The following NRG1 variants were observed in gnomAD, a reference collection of about 807,000 sequenced individuals.
NRG1 encodes the protein neuregulin 1.
In NRG1, 18 loss-of-function variants were observed where a neutral mutation model predicts 63.8. That is an observed-to-expected ratio of 0.28 (90% CI 0.19 to 0.42). The LOEUF is 0.42. Among genes scored for constraint, NRG1 ranks in the 10% least tolerant of loss-of-function variants. The probability of loss-of-function intolerance (pLI) is 1.00; values close to 1 mark genes in which losing one functional copy is unlikely to be tolerated. For missense variants in NRG1, 762 were observed against 814.7 expected, an observed-to-expected ratio of 0.94 and a Z score of 0.79; for synonymous variants, 302 against 301.3, an observed-to-expected ratio of 1.00 and a Z score of -0.02.
chr8:32,559,494 T>C (rs1223923553), intron 1 of NRG1, among the ~76,000 whole-genome samples: 2 of 152,172 alleles, frequency 1.3e-5, no homozygotes, highest in Non-Finnish European at 1.5e-5. Context: ...TGATTGTATG[T>C]GATATACATA....
intron 1 of NRG1, among the ~76,000 whole-genome samples, chr8:32,261,684 T>C (rs1850396239): frequency 6.6e-6 from 1 of 152,092 alleles, no homozygotes; most frequent in Admixed American, 6.6e-5. Flanking sequence ...CACTCCCCCC[T>C]TGTATTGGAC....
intron 1 of NRG1, among the ~76,000 whole-genome samples, chr8:31,801,256 A>G (rs1035351195): frequency 7.2e-5 from 11 of 152,218 alleles, no homozygotes; most frequent in African/African-American, 2.6e-4. Flanking sequence ...TGGAAAAATT[A>G]TTTTAGAAAA....
chr8:32,264,434 G>C (rs537501585), intron 1 of NRG1, among the ~76,000 whole-genome samples: 3 of 152,234 alleles, frequency 2.0e-5, no homozygotes, highest in Non-Finnish European at 2.9e-5. Context: ...AGTCTAGAGG[G>C]AGGCCTAAAT....
chr8:32,398,996 C>A (rs1410229463), intron 1 of NRG1, among the ~76,000 whole-genome samples: 1 of 151,928 alleles, frequency 6.6e-6, no homozygotes, highest in Non-Finnish European at 1.5e-5. Context: ...TTAAAATAAC[C>A]TCATTTATTT....
chr8:32,476,065 A>G (rs1824479718), intron 1 of NRG1, among the ~76,000 whole-genome samples: 1 of 152,216 alleles, frequency 6.6e-6, no homozygotes, highest in Non-Finnish European at 1.5e-5. Flanking sequence ...AGAAAGTATT[A>G]CATATCTGCA....
chr8:31,773,575 C>T (rs1818836133), intron 1 of NRG1, among the ~76,000 whole-genome samples: 1 of 152,230 alleles, frequency 6.6e-6, no homozygotes, highest in African/African-American at 2.4e-5. Context: ...GTGCTCCACA[C>T]AACAGCCAGA....
rs1585621778 is a variant in NRG1 at position 32,143,381 on chromosome 8, T to C, written c.38-452447T>C. Among the ~76,000 whole-genome samples the C allele has an allele frequency of 2.0e-5, 3 of 152,302 alleles. No individual in the cohort carries two copies. In the South Asian group the frequency reaches 6.2e-4, roughly 32 times the overall value. On this transcript the variant is annotated intron_variant, in intron 1 of 10. Transcript: ENST00000519301. ...CTGGATGATTCTATACATAAATATC[T>C]TGCACTAACAGCAAGAATAATAAAA...
intron 5 of NRG1, among the ~76,000 whole-genome samples, chr8:32,691,815 C>T (rs543923187): frequency 5.3e-5 from 8 of 152,204 alleles, no homozygotes; most frequent in East Asian, 3.9e-4. Context: ...TACTGAAATA[C>T]GTTAGCAGGA....
At chr8:32,486,095 G>A (rs1587920857) in intron 1 of NRG1, among the ~76,000 whole-genome samples, 2 of 151,832 alleles carry the variant, frequency 1.3e-5, no homozygotes, top group South Asian at 4.2e-4. Context: ...CCCATGCCTG[G>A]CTAATTTTTT....
At chr8:31,951,369 C>A (rs993334767) in intron 1 of NRG1, among the ~76,000 whole-genome samples, 10 of 152,136 alleles carry the variant, frequency 6.6e-5, no homozygotes, top group Non-Finnish European at 1.0e-4. Flanking sequence ...GGAGGCAGAG[C>A]CCTGCTCCAG....
chr8:32,388,302 T>C (rs1811281965), intron 1 of NRG1, among the ~76,000 whole-genome samples: 1 of 152,240 alleles, frequency 6.6e-6, no homozygotes, highest in Non-Finnish European at 1.5e-5. Flanking sequence ...GACAAAGATC[T>C]GATCTAGTAA....
At chr8:32,766,403 C>T (rs1283194669) in exon 12 of NRG1, 1 of 152,194 alleles carries the variant, frequency 6.6e-6, no homozygotes, top group Admixed American at 6.5e-5. Context: ...TTTTCCAATT[C>T]TGCAGTAATG....
intron 1 of NRG1, among the ~76,000 whole-genome samples, chr8:32,446,933 A>G (rs1177773538): frequency 6.6e-6 from 1 of 152,170 alleles, no homozygotes; most frequent in Non-Finnish European, 1.5e-5. Flanking sequence ...AGCCATGGGG[A>G]AAAATATGGT....
chr8:31,749,335 T>C (rs928252827), intron 1 of NRG1, among the ~76,000 whole-genome samples: 1 of 151,866 alleles, frequency 6.6e-6, no homozygotes, highest in African/African-American at 2.4e-5. Context: ...AAAACCTTCA[T>C]TCACAATAAA....
chr8:32,648,758 T>G (rs1377580189), intron 5 of NRG1, among the ~76,000 whole-genome samples: 3 of 152,178 alleles, frequency 2.0e-5, no homozygotes, highest in Non-Finnish European at 4.4e-5. Flanking sequence ...CATATACCAG[T>G]GAGTATTATT....
intron 1 of NRG1, among the ~76,000 whole-genome samples, chr8:31,899,232 G>A (rs574035611): frequency 1.6e-4 from 25 of 151,820 alleles, no homozygotes; most frequent in Non-Finnish European, 3.7e-4. Context: ...GCCTCCCAAA[G>A]TGCTGGGACT....
In NRG1 at chr8:32,301,710, A is replaced by G. The variant is rs186135750; in HGVS notation, c.38-294118A>G. ...AGAGAGCTTGTGCAGAGAAACCTCC[A>G]TTTTGAAAACCATCAGATCTCGTGA... On this transcript the variant is annotated intron_variant, in intron 1 of 10. Transcript: ENST00000519301. Among the ~76,000 whole-genome samples, 688 of 152,312 alleles carry G rather than the reference A, an allele frequency of 4.5e-3. 2 individuals are homozygous for G. Among genetic ancestry groups the G allele is most frequent in the Non-Finnish European group, 6.4e-3 (433 of 68,032 alleles).
chr8:32,543,966 C>T (rs1312586438), upstream of NRG1, among the ~76,000 whole-genome samples: 1 of 152,150 alleles, frequency 6.6e-6, no homozygotes, highest in Non-Finnish European at 1.5e-5. Context: ...ACAGGACAAT[C>T]GCAAATCTGT....
intron 1 of NRG1, among the ~76,000 whole-genome samples, chr8:32,222,503 G>T (rs1845924466): frequency 6.6e-6 from 1 of 152,138 alleles, no homozygotes. Flanking sequence ...AAAAAAGAAA[G>T]AAACATAAAG....
Sources: allele counts gnomAD v4.1 joint callset (sites outside exome capture counted in the v4.1 genomes callset), GRCh38; gene constraint gnomAD v4.1.1; transcripts MANE v1.5; gene names NCBI Gene and HGNC (gene_info 2026-07-23, HGNC 2026-07-21).